Variants in SLCO5A1 observed in about 807,000 individuals in gnomAD.
SLCO5A1 encodes the protein solute carrier organic anion transporter family member 5A1, also known as organic anion transporter polypeptide-related protein 4.
Under a neutral mutation model 65.1 loss-of-function variants are expected in SLCO5A1, and 39 were observed. That is an observed-to-expected ratio of 0.60 (90% CI 0.46 to 0.78). The LOEUF (loss-of-function observed/expected upper bound fraction) is 0.78. SLCO5A1 is among the 30% of genes least tolerant of loss of function. The pLI is 0.00. For missense variants in SLCO5A1, 1,029 were observed against 1,069.4 expected, an observed-to-expected ratio of 0.96 and a Z score of 0.53; for synonymous variants, 438 against 415.7, an observed-to-expected ratio of 1.05 and a Z score of -0.65.
At chr8:69,793,963 GA>G (rs1312078556) in intron 2 of SLCO5A1, 1 of 158,682 alleles carries the variant, frequency 6.3e-6, no homozygotes, top group Non-Finnish European at 1.4e-5. Context: ...CTATGAGCTA[GA>G]TAATATTACT....
intron 5 of SLCO5A1, chr8:69,719,768 G>C (rs1815734869): frequency 6.6e-6 from 1 of 152,204 alleles, no homozygotes; most frequent in Non-Finnish European, 1.5e-5. Context: ...TCCCAGACAT[G>C]TAAGACATGT....
chr8:69,737,242 T>C (rs778472953), intron 5 of SLCO5A1, among the ~76,000 whole-genome samples: 4 of 152,220 alleles, frequency 2.6e-5, no homozygotes, highest in African/African-American at 7.2e-5. Context: ...GAATGTGGAA[T>C]TGGAGAACGT....
chr8:69,828,354 A>G (rs7837439), intron 2 of SLCO5A1, among the ~76,000 whole-genome samples: 2,062 of 152,040 alleles, frequency 0.014, 19 homozygotes, highest in Non-Finnish European at 0.024. Context: ...TGTAATCCCA[A>G]AACTTTGGGA....
intron 2 of SLCO5A1, among the ~76,000 whole-genome samples, chr8:69,804,067 T>C (rs1819877498): frequency 6.6e-6 from 1 of 152,090 alleles, no homozygotes; most frequent in East Asian, 1.9e-4. Flanking sequence ...GAATTCTAAC[T>C]ATAGGAAAAG....
intron 5 of SLCO5A1, among the ~76,000 whole-genome samples, chr8:69,726,250 C>A (rs1816069532): frequency 6.6e-6 from 1 of 152,170 alleles, no homozygotes; most frequent in African/African-American, 2.4e-5. Flanking sequence ...CTTAAAATTT[C>A]TTTTTTCCCA....
intron 4 of SLCO5A1, among the ~76,000 whole-genome samples, chr8:69,742,877 T>C (rs2064650795): frequency 1.4e-5 from 2 of 144,082 alleles, no homozygotes; most frequent in South Asian, 4.6e-4. Flanking sequence ...CTCAGCTGAC[T>C]GTAACCTCTG....
intron 4 of SLCO5A1, among the ~76,000 whole-genome samples, chr8:69,754,004 C>CAAAAAAAAA (rs71556780): frequency 2.7e-5 from 2 of 73,476 alleles, no homozygotes; most frequent in Non-Finnish European, 2.7e-5. Context: ...TGACCTATCT[C>CAAAAAAAAA]AAAAAAAAAA....
chr8:69,738,318 C>A, intron 4 of SLCO5A1, 114 bp from the exon 5 acceptor site: 2 of 929,638 alleles, frequency 2.2e-6, no homozygotes, highest in Admixed American at 3.4e-5. Context: ...CATTTGCCAC[C>A]AAGGAATAAA....
chr8:69,695,338 A>G (rs947582357), intron 6 of SLCO5A1, among the ~76,000 whole-genome samples: 1 of 152,062 alleles, frequency 6.6e-6, no homozygotes. Context: ...CTACTAAAAA[A>G]TACGAAAATT....
At chr8:69,834,588 C>A (rs1220747342) in intron 1 of SLCO5A1, among the ~76,000 whole-genome samples, 5 of 152,130 alleles carry the variant, frequency 3.3e-5, no homozygotes, top group Non-Finnish European at 5.9e-5. Flanking sequence ...TCGCCGCTCG[C>A]GGGGGGCGTC....
chr8:69,753,114 C>A (rs2130856846), intron 4 of SLCO5A1, among the ~76,000 whole-genome samples: 1 of 152,214 alleles, frequency 6.6e-6, no homozygotes, highest in East Asian at 1.9e-4. Flanking sequence ...AGTATGGGTT[C>A]CCCAGGAGAA....
chr8:69,709,460 G>C (rs1815128743), intron 5 of SLCO5A1, among the ~76,000 whole-genome samples: 1 of 152,162 alleles, frequency 6.6e-6, no homozygotes, highest in African/African-American at 2.4e-5. Flanking sequence ...GTGAGTAGTA[G>C]CTTTACAATG....
chr8:69,713,235 C>T (rs1324794623), intron 5 of SLCO5A1, among the ~76,000 whole-genome samples: 3 of 152,130 alleles, frequency 2.0e-5, no homozygotes, highest in Non-Finnish European at 4.4e-5. Flanking sequence ...GTTTCACTGC[C>T]CTTTCTGTGT....
chr8:69,746,371 A>T (rs1817029258), intron 4 of SLCO5A1, among the ~76,000 whole-genome samples: 2 of 152,166 alleles, frequency 1.3e-5, no homozygotes, highest in Non-Finnish European at 2.9e-5. Context: ...ATAAAAGTAC[A>T]TTTTGAGAGA....
chr8:69,690,446 T>A (rs570131135), intron 6 of SLCO5A1, among the ~76,000 whole-genome samples: 1 of 152,146 alleles, frequency 6.6e-6, no homozygotes, highest in Non-Finnish European at 1.5e-5. Flanking sequence ...AAGCTACCCA[T>A]GAGACACAGG....
chr8:69,695,082 A>G (rs1159955679), intron 6 of SLCO5A1, among the ~76,000 whole-genome samples: 3 of 152,220 alleles, frequency 2.0e-5, no homozygotes, highest in Non-Finnish European at 4.4e-5. Context: ...AGAGATAAGA[A>G]ACTAACTTTT....
intron 5 of SLCO5A1, among the ~76,000 whole-genome samples, chr8:69,735,852 A>G (rs1264642586): frequency 6.6e-6 from 1 of 152,214 alleles, no homozygotes; most frequent in Non-Finnish European, 1.5e-5. Context: ...AGAAAAACCA[A>G]GAGTAGTTTT....
chr8:69,821,172 T>C (rs1026130365), intron 2 of SLCO5A1, among the ~76,000 whole-genome samples: 8 of 150,502 alleles, frequency 5.3e-5, no homozygotes, highest in African/African-American at 2.0e-4. Flanking sequence ...AAGCTCACTC[T>C]ACTTTTAGAA....
intron 5 of SLCO5A1, among the ~76,000 whole-genome samples, chr8:69,728,547 G>C (rs921323852): frequency 6.6e-6 from 1 of 152,128 alleles, no homozygotes; most frequent in Non-Finnish European, 1.5e-5. Flanking sequence ...ACAGTATTTT[G>C]CACATCTGCA....
Sources: allele counts gnomAD v4.1 joint callset (sites outside exome capture counted in the v4.1 genomes callset), GRCh38; gene constraint gnomAD v4.1.1; transcripts MANE v1.5; gene names NCBI Gene and HGNC (gene_info 2026-07-23, HGNC 2026-07-21).